Variants in REEP1 observed in about 807,000 individuals in gnomAD.
REEP1 encodes receptor accessory protein 1, also known as receptor expression-enhancing protein 1.
A neutral mutation model predicts 40.3 loss-of-function variants in REEP1; 22 were observed. The ratio of observed to expected loss-of-function variants is 0.55; its 90% CI spans 0.39 to 0.78. The LOEUF is 0.78. Ranked by LOEUF, REEP1 falls within the 30% of genes least tolerant of loss-of-function variation. The probability of loss-of-function intolerance (pLI) is 0.00; values close to 1 mark genes in which losing one functional copy is unlikely to be tolerated. For missense variants in REEP1, 280 were observed against 361.1 expected (o/e 0.78, Z 1.82); for synonymous variants, 116 against 139.2 (o/e 0.83, Z 1.17).
At chr2:86,253,303 G>A (rs1223681892) in intron 4 of REEP1, among the ~76,000 whole-genome samples, 3 of 151,926 alleles carry the variant, frequency 2.0e-5, no homozygotes, top group Non-Finnish European at 4.4e-5. Flanking sequence ...AAAAAAGGCT[G>A]TTTTTCATGA....
intron 1 of REEP1, among the ~76,000 whole-genome samples, chr2:86,316,843 G>A (rs780049762): frequency 4.3e-4 from 65 of 152,326 alleles, no homozygotes; most frequent in African/African-American, 1.5e-3. Flanking sequence ...TGGGGGACAA[G>A]AGTGAAACTC....
chr2:86,337,712 C>A, upstream of REEP1: 1 of 940,340 alleles, frequency 1.1e-6, no homozygotes, highest in Non-Finnish European at 1.3e-6. The surrounding 1 kb of genome is among the most constrained non-coding windows in gnomAD (Gnocchi z 5.8). Context: ...CCCAGCCCCC[C>A]GGGGCTCGGC....
intron 3 of REEP1, 167 bp from the exon 4 acceptor site, chr2:86,254,981 A>G: frequency 1.5e-6 from 1 of 681,980 alleles, no homozygotes; most frequent in Non-Finnish European, 2.5e-6. Context: ...ACACACTTGC[A>G]CACACACAGT....
intron 1 of REEP1, among the ~76,000 whole-genome samples, chr2:86,327,568 C>CCT (rs1553470814): frequency 7.3e-6 from 1 of 137,754 alleles, no homozygotes; most frequent in African/African-American, 2.7e-5. Flanking sequence ...GTCTATCTTA[C>CCT]TTTTTTTTTT....
chr2:86,335,965 C>T (rs1681011055), intron 1 of REEP1, among the ~76,000 whole-genome samples: 1 of 149,382 alleles, frequency 6.7e-6, no homozygotes, highest in Non-Finnish European at 1.5e-5. Context: ...GGATCAGATG[C>T]CCTCACTCCC....
At position 86,217,099 on chromosome 2, in the gene REEP1, T is replaced by G. The variant is rs753062748; in HGVS notation, c.795A>C (p.Arg265Ser). Residue 265 changes from arginine to serine, a missense_variant, in exon 9 of 9, where the codon AGA becomes AGC. Around this residue, in one of 3 missense-constraint regions of REEP1, gnomAD observed 201 missense variants for 238.5 expected, o/e 0.84. Coordinates refer to ENST00000538924, the MANE Select transcript of REEP1 (RefSeq NM_001371279.1). ...RMELPLEAPP[R>S]ILRSRFRKKS... Reference sequence around the variant, plus strand: ...TCTTCCTGAAGCGAGATCGAAGGATTCTAGGCGGTGCCTGGTAGAGAAAAC... The same window carrying G: ...TCTTCCTGAAGCGAGATCGAAGGATGCTAGGCGGTGCCTGGTAGAGAAAAC... 6.2e-7 allele frequency: 1 copy of G among 1,614,040 alleles called. No individual in the cohort carries two copies.
In REEP1 at chr2:86,220,011, A is replaced by C; in HGVS notation, c.742T>G (p.Tyr248Asp). The change falls in exon 8 of 9, where the codon TAC becomes GAC. Residue 248 changes from tyrosine to aspartate, a missense_variant. Coordinates refer to ENST00000538924, the MANE Select transcript of REEP1 (RefSeq NM_001371279.1). Reference sequence around the variant, plus strand: ...ATCCTTCGAGGTGCTTTATACTTGTACATGAAATCCAGCAGGTCTTCCTCC... The same window carrying C: ...ATCCTTCGAGGTGCTTTATACTTGTCCATGAAATCCAGCAGGTCTTCCTCC... ...DEEEDLLDFM[Y>D]KYKAPRRMEL... The C allele has an allele frequency of 8.1e-7, 1 of 1,232,220 alleles. No individual in the cohort carries two copies. The highest frequency in any genetic ancestry group is 1.0e-6 in the Non-Finnish European group (1 of 988,018). 76.3% of individuals were successfully genotyped at this position (1,232,220 alleles called of 1,614,324 possible).
At chr2:86,278,239 CCTTT>C (rs1463973157) in intron 2 of REEP1, among the ~76,000 whole-genome samples, 8 of 152,296 alleles carry the variant, frequency 5.3e-5, no homozygotes, top group African/African-American at 1.7e-4. Context: ...ATATTTTCCT[CCTTT>C]CTAAGTATAG....
intron 5 of REEP1, among the ~76,000 whole-genome samples, chr2:86,242,498 CGGCATTAACCTGGAGGAGAT>C (rs11268013): frequency 0.36 from 54,956 of 151,730 alleles, 12,015 homozygotes; most frequent in East Asian, 0.59. Flanking sequence ...ATGGAGGAGA[CGGCATTAACCTGGAGGAGAT>C]GGCATTAACC....
At chr2:86,310,599 G>A (rs2104483318) in intron 1 of REEP1, among the ~76,000 whole-genome samples, 1 of 152,258 alleles carries the variant, frequency 6.6e-6, no homozygotes, top group East Asian at 1.9e-4. Context: ...GCCAGAGCAT[G>A]CTTTCCACCC....
intron 1 of REEP1, among the ~76,000 whole-genome samples, chr2:86,295,596 C>T (rs1387024129): frequency 1.3e-5 from 2 of 152,200 alleles, no homozygotes; most frequent in South Asian, 2.1e-4. Flanking sequence ...GTGATCTCCA[C>T]TCACTGCAAG....
At chr2:86,309,162 G>A (rs950543074) in intron 1 of REEP1, among the ~76,000 whole-genome samples, 11 of 152,106 alleles carry the variant, frequency 7.2e-5, no homozygotes, top group South Asian at 2.1e-4. Flanking sequence ...TCTCCAGCCC[G>A]CTCCTGTCAC....
At chr2:86,326,276 G>A (rs1680494477) in intron 1 of REEP1, among the ~76,000 whole-genome samples, 1 of 152,166 alleles carries the variant, frequency 6.6e-6, no homozygotes, top group African/African-American at 2.4e-5. Context: ...AAAATGAGCA[G>A]TACATCAATG....
intron 1 of REEP1, among the ~76,000 whole-genome samples, chr2:86,306,419 C>T (rs1025471376): frequency 2.0e-5 from 3 of 152,110 alleles, no homozygotes; most frequent in Admixed American, 6.5e-5. Context: ...GCTCTCCATC[C>T]CACCCTTTTC....
chr2:86,273,087 TCTGTGATTATACCA>T (rs1472644656), intron 2 of REEP1, among the ~76,000 whole-genome samples: 1 of 151,400 alleles, frequency 6.6e-6, no homozygotes, highest in African/African-American at 2.4e-5. Context: ...TAATCACAGC[TCTGTGATTATACCA>T]CTGTACTCCA....
In REEP1 at chr2:86,300,992, T is replaced by G. The variant is rs114299561; in HGVS notation, c.33-18750A>C. Among the ~76,000 whole-genome samples the G allele has an allele frequency of 3.3e-3, 504 of 152,216 alleles. 4 individuals are homozygous for G. Among genetic ancestry groups the G allele is most frequent in the African/African-American group, 0.011 (465 of 41,528 alleles). On this transcript the variant is annotated intron_variant, in intron 1 of 8. Transcript: ENST00000538924. ...TTGCGCTGGCACCAAAAGGTGAGGA[T>G]CCAATTCAGAAGCTGTCAGAGCCAA...
chr2:86,283,723 T>C (rs1678230518), intron 1 of REEP1, among the ~76,000 whole-genome samples: 1 of 152,218 alleles, frequency 6.6e-6, no homozygotes, highest in Non-Finnish European at 1.5e-5. Context: ...CGAAGTGCTT[T>C]AGAGCTTTAT....
intron 6 of REEP1, among the ~76,000 whole-genome samples, chr2:86,227,718 C>G (rs547422957): frequency 2.0e-5 from 3 of 152,350 alleles, no homozygotes; most frequent in South Asian, 4.1e-4. Flanking sequence ...GCCTCCTCCT[C>G]TCTTTGCTTT....
At chr2:86,317,591 T>A (rs1458817957) in intron 1 of REEP1, among the ~76,000 whole-genome samples, 2 of 152,238 alleles carry the variant, frequency 1.3e-5, no homozygotes, top group African/African-American at 4.8e-5. Context: ...CGCTAGTACT[T>A]TGCATGAATC....
Sources: allele counts gnomAD v4.1 joint callset (sites outside exome capture counted in the v4.1 genomes callset), GRCh38; gene constraint gnomAD v4.1.1; regional missense constraint gnomAD v4.1.1; non-coding constraint Gnocchi (gnomAD v3.1); transcripts MANE v1.5; gene names NCBI Gene and HGNC (gene_info 2026-07-23, HGNC 2026-07-21).